FREM3: variants seen among roughly 807,000 people sequenced by gnomAD.
The protein encoded by FREM3 is FRAS1-related extracellular matrix protein 3.
FREM3 carries 105 observed loss-of-function variants against 129.1 expected under a neutral mutation model. The observed-to-expected ratio is 0.81, with a 90% confidence interval of 0.69 to 0.96. The LOEUF is 0.96. Ranked by LOEUF, FREM3 falls within the 40% of genes least tolerant of loss-of-function variation. The pLI, the probability that FREM3 is intolerant of heterozygous loss-of-function variation, is 0.00. For synonymous variants in FREM3, 1,014 were observed against 1,044.9 expected (o/e 0.97, Z 0.57); for missense variants, 2,593 against 2,666.3 (o/e 0.97, Z 0.61).
At chr4:143,631,582 A>T (rs572902159) in intron 2 of FREM3, among the ~76,000 whole-genome samples, 1 of 152,136 alleles carries the variant, frequency 6.6e-6, no homozygotes, top group Non-Finnish European at 1.5e-5. Flanking sequence ...AGGATTCTCT[A>T]ATCCAACTAG....
chr4:143,665,907 C>T (rs1739850585), intron 2 of FREM3, among the ~76,000 whole-genome samples: 1 of 152,060 alleles, frequency 6.6e-6, no homozygotes, highest in African/African-American at 2.4e-5. Flanking sequence ...TATGTTTTCT[C>T]AACATGTTTA....
At chr4:143,666,338 GC>G (rs1424955759) in intron 2 of FREM3, among the ~76,000 whole-genome samples, 1 of 152,050 alleles carries the variant, frequency 6.6e-6, no homozygotes, top group Admixed American at 6.6e-5. Flanking sequence ...TTCTAAAAAA[GC>G]TAAACATACA....
intron 2 of FREM3, among the ~76,000 whole-genome samples, chr4:143,637,919 G>A (rs1284483845): frequency 2.6e-5 from 4 of 152,148 alleles, no homozygotes; most frequent in African/African-American, 9.7e-5. Context: ...TGGGTGGGGA[G>A]AGAAGAAGGT....
chr4:143,671,524 C>T (rs1391070100), intron 2 of FREM3, among the ~76,000 whole-genome samples: 1 of 152,000 alleles, frequency 6.6e-6, no homozygotes, highest in Non-Finnish European at 1.5e-5. Context: ...AATTTTTTTT[C>T]TCTCTGGAAT....
Position 143,698,679 on chromosome 4 carries a change from T to C in FREM3, c.1997A>G (p.Gln666Arg). 1 of 1,537,666 alleles carries C rather than the reference T, an allele frequency of 6.5e-7. No homozygotes were observed. Among genetic ancestry groups the C allele is most frequent in the South Asian group, 1.2e-5 (1 of 84,060 alleles). Residue 666 changes from glutamine to arginine, a missense_variant, in exon 1 of 8, where the codon CAA becomes CGA. By Grantham distance (43) the Gln-to-Arg change is conservative. Around this residue, in one of 2 missense-constraint regions of FREM3, gnomAD observed 2,276 missense variants for 2,267.2 expected, o/e 1.00. Coordinates refer to ENST00000329798, the MANE Select transcript of FREM3 (RefSeq NM_001168235.2). ...GAAAGCCAGCTGGACCATTACAGAT[T>C]GAGGGCTGTGTGGTCCAAGATGGCG... Reference protein sequence around the residue: ...FYRHLGPHSPQSVMVQLAFHV... With the variant: ...FYRHLGPHSPRSVMVQLAFHV...
rs188434290 is a variant in FREM3 at position 143,664,381 on chromosome 4, C to T, written c.5275+28732G>A. The stretch of plus-strand genomic sequence containing the variant: ...ACCCTGTTTGCCTAGGTAGCAGCAG[C>T]GGTGTCTGCAGAACAGCACATTTTT... On this transcript the variant is annotated intron_variant, in intron 2 of 7. Coordinates refer to ENST00000329798, the MANE Select transcript of FREM3 (RefSeq NM_001168235.2). 2.2e-3 allele frequency among the ~76,000 whole-genome samples: 333 copies of T among 152,200 alleles called. 4 individuals carry two copies. The highest frequency in any genetic ancestry group is 7.0e-3 in the African/African-American group (289 of 41,538).
intron 2 of FREM3, among the ~76,000 whole-genome samples, chr4:143,646,643 T>C (rs1249700012): frequency 2.6e-5 from 4 of 152,206 alleles, no homozygotes; most frequent in African/African-American, 4.8e-5. Flanking sequence ...CCTTCCACCA[T>C]AATTGTGAAT....
chr4:143,694,096 A>G (rs1442554950), intron 1 of FREM3, among the ~76,000 whole-genome samples: 1 of 152,208 alleles, frequency 6.6e-6, no homozygotes, highest in African/African-American at 2.4e-5. Context: ...ACAGACCAGC[A>G]TGACATGAGT....
chr4:143,592,758 T>C (rs1353245988), intron 6 of FREM3, among the ~76,000 whole-genome samples: 2 of 152,222 alleles, frequency 1.3e-5, no homozygotes, highest in Non-Finnish European at 1.5e-5. Context: ...TGGCATTCTC[T>C]GTATTTCCTG....
At chr4:143,688,224 C>T (rs916736499) in intron 2 of FREM3, among the ~76,000 whole-genome samples, 3 of 152,052 alleles carry the variant, frequency 2.0e-5, no homozygotes, top group Non-Finnish European at 4.4e-5. Context: ...CAACAGCTAC[C>T]AAGTGGAGAA....
chr4:143,587,257 A>G (rs1738258618), intron 6 of FREM3, among the ~76,000 whole-genome samples: 1 of 152,124 alleles, frequency 6.6e-6, no homozygotes, highest in Admixed American at 6.5e-5. Flanking sequence ...CTTTATTGAT[A>G]AAGAGTTGCC....
chr4:143,650,232 G>T (rs972946269), intron 2 of FREM3, among the ~76,000 whole-genome samples: 9 of 152,144 alleles, frequency 5.9e-5, no homozygotes, highest in African/African-American at 1.9e-4. Context: ...CTATCTTATT[G>T]TAGCCATGTT....
chr4:143,692,968 AATTT>A (rs1740499926), intron 2 of FREM3, 141 bp downstream of exon 2: 3 of 436,170 alleles, frequency 6.9e-6, no homozygotes, highest in Non-Finnish European at 1.2e-5. Context: ...AAAAAGAATT[AATTT>A]GTTTGTATTA....
At chr4:143,690,653 T>C (rs532121884) in intron 2 of FREM3, among the ~76,000 whole-genome samples, 33 of 152,304 alleles carry the variant, frequency 2.2e-4, no homozygotes, top group African/African-American at 7.0e-4. Flanking sequence ...ATTTTCAACA[T>C]TCCATTTGGG....
intron 2 of FREM3, 29 bp from the exon 3 acceptor site, chr4:143,627,789 C>A: frequency 6.7e-7 from 1 of 1,497,884 alleles, no homozygotes; most frequent in Non-Finnish European, 9.0e-7. Context: ...AAGGAAAAGT[C>A]AGCTGGAGTA....
At chr4:143,601,373 G>C (rs547002124) in intron 6 of FREM3, among the ~76,000 whole-genome samples, 2 of 152,124 alleles carry the variant, frequency 1.3e-5, no homozygotes, top group East Asian at 3.9e-4. Flanking sequence ...AATATTTATA[G>C]GGAAATTTTA....
intron 5 of FREM3, among the ~76,000 whole-genome samples, chr4:143,620,621 G>A (rs780680588): frequency 1.6e-4 from 24 of 152,132 alleles, no homozygotes; most frequent in Non-Finnish European, 3.2e-4. Flanking sequence ...GAGAAACTGA[G>A]TAGTATATAC....
At position 143,673,765 on chromosome 4, in the gene FREM3, G is replaced by T. The variant is rs1377534823; in HGVS notation, c.5275+19348C>A. On this transcript the variant is annotated intron_variant, in intron 2 of 7. Transcript: ENST00000329798. Reference sequence around the variant, plus strand: ...CCAGTTCAAGCTTCCTGGCCGCTTTGTTTACCTACTCAAGCCTCAGCAATG... The same window carrying T: ...CCAGTTCAAGCTTCCTGGCCGCTTTTTTTACCTACTCAAGCCTCAGCAATG... Among the ~76,000 whole-genome samples, 5 of 152,228 alleles carry T rather than the reference G, an allele frequency of 3.3e-5. No homozygotes were observed. In the South Asian group the frequency reaches 8.3e-4, roughly 25 times the overall value.
rs1179546789 is a variant in FREM3 at position 143,577,432 on chromosome 4, A to C, written c.*179T>G. 5.1e-6 allele frequency: 3 copies of C among 589,080 alleles called. No homozygotes were observed. Among genetic ancestry groups the C allele is most frequent in the Non-Finnish European group, 8.8e-6 (3 of 342,038 alleles). 36.5% of individuals were successfully genotyped at this position (589,080 alleles called of 1,614,324 possible). A position where few individuals can be genotyped will look rare whatever the true frequency, so the allele number is the denominator to read the frequency against. On this transcript the variant is annotated 3_prime_UTR_variant, in exon 8 of 8. Coordinates refer to ENST00000329798, the MANE Select transcript of FREM3 (RefSeq NM_001168235.2). The stretch of plus-strand genomic sequence containing the variant: ...TTTGTGGGCTCAATGTTTTCTAGGT[A>C]TATATATTTCTATCTCCATGCAGTC...
Sources: allele counts gnomAD v4.1 joint callset (sites outside exome capture counted in the v4.1 genomes callset), GRCh38; gene constraint gnomAD v4.1.1; regional missense constraint gnomAD v4.1.1; transcripts MANE v1.5; gene names NCBI Gene and HGNC (gene_info 2026-07-23, HGNC 2026-07-21).